The following RBFOX1 variants were observed in gnomAD, a reference collection of about 807,000 sequenced individuals.
RBFOX1 encodes the protein RNA binding protein fox-1 homolog 1.
Under a neutral mutation model 57.7 loss-of-function variants are expected in RBFOX1, and 8 were observed. That is an observed-to-expected ratio of 0.14 (90% CI 0.08 to 0.25). The LOEUF is 0.25. Ranked by LOEUF, RBFOX1 falls within the 10% of genes least tolerant of loss-of-function variation. The pLI is 1.00. For missense variants in RBFOX1, 611 were observed against 548.5 expected (o/e 1.11, Z -1.14); for synonymous variants, 326 against 222.4 (o/e 1.47, Z -4.15).
intron 3 of RBFOX1, among the ~76,000 whole-genome samples, chr16:5,808,254 C>A (rs2055298175): frequency 6.6e-6 from 1 of 152,162 alleles, no homozygotes; most frequent in Admixed American, 6.5e-5. Flanking sequence ...TTTCTGAGGG[C>A]TGTGTTCTGT....
At chr16:6,000,396 A>T (rs1008168587) in intron 4 of RBFOX1, among the ~76,000 whole-genome samples, 1 of 152,178 alleles carries the variant, frequency 6.6e-6, no homozygotes, top group African/African-American at 2.4e-5. Flanking sequence ...GATAGGAGGC[A>T]CTGTGGGGGC....
intron 4 of RBFOX1, among the ~76,000 whole-genome samples, chr16:7,084,063 G>T (rs185379937): frequency 1.3e-5 from 2 of 152,002 alleles, no homozygotes; most frequent in African/African-American, 4.8e-5. Flanking sequence ...AATCCCACCC[G>T]GGGGCTTCTG....
intron 1 of RBFOX1, among the ~76,000 whole-genome samples, chr16:6,306,422 C>T (rs1448552209): frequency 1.3e-5 from 2 of 152,188 alleles, no homozygotes; most frequent in African/African-American, 4.8e-5. Flanking sequence ...ATGGAACTTT[C>T]TGCATTAGAT....
At chr16:7,478,000 C>A (rs866460277) in intron 4 of RBFOX1, among the ~76,000 whole-genome samples, 9 of 152,176 alleles carry the variant, frequency 5.9e-5, no homozygotes, top group Non-Finnish European at 5.9e-5. Context: ...ATTTGAATTC[C>A]TCCTTCTCTC....
In RBFOX1 at chr16:6,394,655, TATATATATG is replaced by T. The variant is rs544630298; in HGVS notation, c.-64+77614_-64+77622del. Among the ~76,000 whole-genome samples, 677 of 151,288 alleles carry T rather than the reference TATATATATG, an allele frequency of 4.5e-3. 2 individuals carry two copies. The highest frequency in any genetic ancestry group is 0.011 in the Admixed American group (160 of 15,114). ...TAATATATATATTATGTGTATTAGA[TATATATATG>T]ATATATATGATATATTAATGTATTA... On this transcript the variant is annotated intron_variant, in intron 2 of 15. Transcript: ENST00000550418.
intron 4 of RBFOX1, among the ~76,000 whole-genome samples, chr16:7,095,625 C>G (rs2061564540): frequency 6.6e-6 from 1 of 152,100 alleles, no homozygotes; most frequent in Non-Finnish European, 1.5e-5. Context: ...ATGATACATA[C>G]CAGGTGGGAG....
rs538430182 is a variant in RBFOX1 at position 7,051,695 on chromosome 16, G to T, written c.-15-362G>T. On this transcript the variant is annotated intron_variant, in intron 3 of 15. Transcript: ENST00000550418. The stretch of plus-strand genomic sequence containing the variant: ...ATGACCATCTGGAGTGGGCCTTTAT[G>T]GAGGAATTCTTGCACCTGTGATATA... 2.6e-5 allele frequency among the ~76,000 whole-genome samples: 4 copies of T among 152,278 alleles called. No individual in the cohort carries two copies. The South Asian group carries it at 8.3e-4, about 32-fold the overall frequency.
intron 4 of RBFOX1, among the ~76,000 whole-genome samples, chr16:7,121,127 G>T (rs959560704): frequency 1.3e-5 from 2 of 151,964 alleles, no homozygotes; most frequent in Non-Finnish European, 2.9e-5. Context: ...CCTGGTAGAG[G>T]ATGTCAACAA....
chr16:5,411,690 A>G (rs11865068), intron 1 of RBFOX1, among the ~76,000 whole-genome samples: 5,682 of 151,686 alleles, frequency 0.037, 309 homozygotes, highest in African/African-American at 0.12. Context: ...GCTTGAGCCC[A>G]GGAGTTTGAG....
chr16:5,962,819 T>G (rs1356318969), intron 4 of RBFOX1, among the ~76,000 whole-genome samples: 1 of 31,808 alleles, frequency 3.1e-5, no homozygotes, highest in Non-Finnish European at 5.1e-5. Flanking sequence ...GAGGGTTTGG[T>G]TTTTTTTTTT....
intron 7 of RBFOX1, among the ~76,000 whole-genome samples, chr16:7,590,843 G>C (rs187707313): frequency 5.4e-5 from 7 of 130,254 alleles, no homozygotes; most frequent in Admixed American, 4.4e-4. Flanking sequence ...TGGGCAAGAA[G>C]AGGGAAGTTC....
chr16:6,937,229 A>G (rs534108785), intron 3 of RBFOX1, among the ~76,000 whole-genome samples: 17 of 152,252 alleles, frequency 1.1e-4, no homozygotes, highest in Admixed American at 3.3e-4. Context: ...AGTATAATGA[A>G]TCCCTGGGTA....
intron 1 of RBFOX1, among the ~76,000 whole-genome samples, chr16:5,301,685 C>T (rs1290506780): frequency 1.3e-5 from 2 of 151,620 alleles, no homozygotes; most frequent in East Asian, 1.9e-4. Context: ...GCTCCATCTC[C>T]TTAGCAAATC....
At chr16:6,963,358 C>T (rs886863653) in intron 3 of RBFOX1, among the ~76,000 whole-genome samples, 2 of 151,814 alleles carry the variant, frequency 1.3e-5, no homozygotes, top group Admixed American at 6.6e-5. Context: ...GGAATGAAAT[C>T]GAACCTCTAT....
intron 11 of RBFOX1, among the ~76,000 whole-genome samples, chr16:7,633,308 T>C (rs538192375): frequency 6.6e-6 from 1 of 152,228 alleles, no homozygotes; most frequent in Non-Finnish European, 1.5e-5. Context: ...CCTTTTTCTA[T>C]GTTTAAAGTA....
intron 3 of RBFOX1, among the ~76,000 whole-genome samples, chr16:6,996,825 A>G (rs1013967381): frequency 6.6e-6 from 1 of 152,074 alleles, no homozygotes; most frequent in Non-Finnish European, 1.5e-5. Context: ...GTTGATTTCC[A>G]TCATTGCTAG....
At chr16:5,443,814 G>A (rs745800377) in intron 1 of RBFOX1, among the ~76,000 whole-genome samples, 3 of 152,100 alleles carry the variant, frequency 2.0e-5, no homozygotes, top group East Asian at 1.9e-4. Flanking sequence ...CAGGACTATC[G>A]CTACTTAGAA....
intron 2 of RBFOX1, among the ~76,000 whole-genome samples, chr16:6,632,661 T>C (rs1171489005): frequency 6.6e-6 from 1 of 152,194 alleles, no homozygotes; most frequent in Non-Finnish European, 1.5e-5. Flanking sequence ...ACACTGGGCC[T>C]GACTGATATC....
chr16:6,481,305 G>T (rs1456238526), intron 2 of RBFOX1, among the ~76,000 whole-genome samples: 2 of 152,192 alleles, frequency 1.3e-5, no homozygotes, highest in African/African-American at 4.8e-5. Flanking sequence ...CTGCAGACAT[G>T]GTTTTAACTG....
Sources: gnomAD v4.1 joint callset for allele counts (sites outside exome capture counted in the v4.1 genomes callset) on GRCh38, gnomAD v4.1.1 for gene constraint, MANE v1.5 for transcripts, NCBI Gene and HGNC (gene_info 2026-07-23, HGNC 2026-07-21) for gene names.